N4BP2: variants seen among roughly 807,000 people sequenced by gnomAD.
N4BP2 encodes the protein NEDD4-binding protein 2.
In N4BP2, 91 loss-of-function variants were observed where a neutral mutation model predicts 152.8. That is an observed-to-expected ratio of 0.60 (90% CI 0.50 to 0.71). The LOEUF (loss-of-function observed/expected upper bound fraction) is 0.71, where lower values mean the gene tolerates loss of function less well. Ranked by LOEUF, N4BP2 falls within the 30% of genes least tolerant of loss-of-function variation. The probability of loss-of-function intolerance (pLI) is 0.00; values close to 1 mark genes in which losing one functional copy is unlikely to be tolerated. For synonymous variants in N4BP2, 646 were observed against 705.3 expected, an observed-to-expected ratio of 0.92 and a Z score of 1.33; for missense variants, 1,923 against 2,059.1, an observed-to-expected ratio of 0.93 and a Z score of 1.28.
chr4:40,097,653 A>C, intron 3 of N4BP2, 84 bp downstream of exon 3: 1 of 782,870 alleles, frequency 1.3e-6, no homozygotes, highest in Non-Finnish European at 2.0e-6. Context: ...ATATAGAAAA[A>C]TGTCTTGTTT....
In N4BP2 at chr4:40,063,080, C is replaced by T. The variant is rs116648948; in HGVS notation, c.-212+6050C>T. Among the ~76,000 whole-genome samples the T allele has an allele frequency of 3.9e-3, 591 of 152,292 alleles. 3 individuals are homozygous for T. Among genetic ancestry groups the T allele is most frequent in the African/African-American group, 0.013 (546 of 41,558 alleles). On this transcript the variant is annotated intron_variant, in intron 1 of 17. Coordinates refer to ENST00000261435, the MANE Select transcript of N4BP2 (RefSeq NM_018177.6). Reference sequence around the variant, plus strand: ...ATTATATTTGATAGATGAAAGTTTTCTAAGCCAGAGAAGGCATACCAGGCC... The same window carrying T: ...ATTATATTTGATAGATGAAAGTTTTTTAAGCCAGAGAAGGCATACCAGGCC...
intron 7 of N4BP2, among the ~76,000 whole-genome samples, chr4:40,116,878 A>G (rs1353408551): frequency 4.6e-5 from 7 of 152,030 alleles, no homozygotes; most frequent in Non-Finnish European, 1.0e-4. Context: ...TCTGTTGTTG[A>G]AGATAACACT....
At chr4:40,141,782 C>T (rs377016028) in intron 14 of N4BP2, among the ~76,000 whole-genome samples, 3 of 152,192 alleles carry the variant, frequency 2.0e-5, no homozygotes, top group Non-Finnish European at 2.9e-5. Context: ...CGCCACTGCA[C>T]TCCAGCCTGG....
At chr4:40,084,036 TG>T (rs1289246927) in intron 2 of N4BP2, among the ~76,000 whole-genome samples, 2 of 152,234 alleles carry the variant, frequency 1.3e-5, no homozygotes, top group African/African-American at 4.8e-5. Context: ...CTCTGCTCAC[TG>T]CAACCTCCCC....
intron 16 of N4BP2, among the ~76,000 whole-genome samples, chr4:40,145,669 T>C (rs1293691518): frequency 1.1e-4 from 16 of 152,212 alleles, no homozygotes; most frequent in Non-Finnish European, 8.8e-5. Context: ...GAATATTCTT[T>C]CTATAGAGGA....
chr4:40,181,836 C>A, the N4BP2 span, among the ~76,000 whole-genome samples: 1 of 152,194 alleles, frequency 6.6e-6, no homozygotes, highest in African/African-American at 2.4e-5. Context: ...GTAGTCCCAA[C>A]TACTATGGAG....
chr4:40,130,538 T>C (rs1718819648), intron 12 of N4BP2, among the ~76,000 whole-genome samples: 1 of 152,106 alleles, frequency 6.6e-6, no homozygotes, highest in African/African-American at 2.4e-5. Context: ...ATTTTTGATA[T>C]AGGGTATCAC....
At chr4:40,074,364 TAC>T in intron 2 of N4BP2, among the ~76,000 whole-genome samples, 1 of 95,218 alleles carries the variant, frequency 1.1e-5, no homozygotes, top group East Asian at 2.3e-4. Flanking sequence ...GTGCTGGAAT[TAC>T]AGGCGTGAGC....
At chr4:40,097,666 A>G (rs1022962229) in intron 3 of N4BP2, 97 bp downstream of exon 3, 6 of 738,062 alleles carry the variant, frequency 8.1e-6, no homozygotes, top group South Asian at 1.9e-5. Context: ...TCTTGTTTCT[A>G]TTTTATTCAT....
intron 12 of N4BP2, 46 bp downstream of exon 12, chr4:40,126,376 T>G (rs1718411434): frequency 2.1e-6 from 2 of 935,740 alleles, no homozygotes; most frequent in African/African-American, 3.4e-5. Context: ...GATTCTGGTT[T>G]ATTGTGTATG....
intron 14 of N4BP2, among the ~76,000 whole-genome samples, chr4:40,141,083 C>T (rs1041656008): frequency 3.3e-5 from 5 of 152,010 alleles, no homozygotes; most frequent in African/African-American, 1.2e-4. Context: ...TCATCATGGC[C>T]CGTTCTCAAT....
intron 2 of N4BP2, among the ~76,000 whole-genome samples, chr4:40,075,427 C>T (rs1420231463): frequency 3.3e-5 from 5 of 152,146 alleles, no homozygotes; most frequent in Admixed American, 2.6e-4. Flanking sequence ...GAGATGGAGT[C>T]TCACTCTGTC....
downstream of N4BP2, among the ~76,000 whole-genome samples, chr4:40,159,781 A>G (rs2109304223): frequency 6.6e-6 from 1 of 152,244 alleles, no homozygotes; most frequent in Admixed American, 6.5e-5. Context: ...CTGCCACATC[A>G]TTTTTTATCA....
chr4:40,092,333 A>G (rs1579003082), intron 2 of N4BP2, among the ~76,000 whole-genome samples: 2 of 151,114 alleles, frequency 1.3e-5, no homozygotes, highest in South Asian at 2.1e-4. Flanking sequence ...TTTATAAATT[A>G]TAGTGATTTT....
chr4:40,137,663 GA>G (rs1719528984), intron 14 of N4BP2, among the ~76,000 whole-genome samples: 1 of 152,192 alleles, frequency 6.6e-6, no homozygotes. Flanking sequence ...CAGAGTTCTG[GA>G]AACAGGAGGT....
the N4BP2 span, among the ~76,000 whole-genome samples, chr4:40,178,751 G>A: frequency 5.9e-5 from 9 of 152,218 alleles, no homozygotes; most frequent in East Asian, 9.6e-4. Flanking sequence ...TGTAGGGAAC[G>A]AACTTCCTTT....
At chr4:40,131,953 T>C (rs765862403) in intron 13 of N4BP2, 34 bp downstream of exon 13, 5 of 1,265,242 alleles carry the variant, frequency 4.0e-6, no homozygotes, top group Non-Finnish European at 4.6e-6. Flanking sequence ...TAGTTTCTAC[T>C]CTGATGTCAC....
chr4:40,176,736 TGGGAGA>T, the N4BP2 span, among the ~76,000 whole-genome samples: 1 of 152,354 alleles, frequency 6.6e-6, no homozygotes, highest in African/African-American at 2.4e-5. Flanking sequence ...GACAGCCATG[TGGGAGA>T]GGGTCCCTGA....
chr4:40,085,492 T>C (rs1332804556), intron 2 of N4BP2, among the ~76,000 whole-genome samples: 2 of 152,202 alleles, frequency 1.3e-5, no homozygotes, highest in Non-Finnish European at 2.9e-5. Context: ...GGTCTCACTC[T>C]GTCACTGAGG....
Sources: gnomAD v4.1 joint callset for allele counts (sites outside exome capture counted in the v4.1 genomes callset) on GRCh38, gnomAD v4.1.1 for gene constraint, MANE v1.5 for transcripts, NCBI Gene and HGNC (gene_info 2026-07-23, HGNC 2026-07-21) for gene names.